LRP2: variants seen among roughly 807,000 people sequenced by gnomAD.
The protein encoded by LRP2 is low-density lipoprotein receptor-related protein 2.
Under a neutral mutation model 531.0 loss-of-function variants are expected in LRP2, and 172 were observed. The observed-to-expected ratio is 0.32, with a 90% CI of 0.29 to 0.37. The LOEUF is 0.37. Among genes scored for constraint, LRP2 ranks in the 10% least tolerant of loss-of-function variants. The pLI, the probability that LRP2 is intolerant of heterozygous loss-of-function variation, is 1.00. For synonymous variants in LRP2, 1,992 were observed against 2,027.6 expected, an observed-to-expected ratio of 0.98 and a Z score of 0.47; for missense variants, 5,167 against 5,868.3, an observed-to-expected ratio of 0.88 and a Z score of 3.90.
chr2:169,345,754 CAAAAAA>C (rs72365288), intron 1 of LRP2, among the ~76,000 whole-genome samples: 1 of 111,462 alleles, frequency 9.0e-6, no homozygotes, highest in Non-Finnish European at 2.0e-5. Context: ...AGGGGGCGGT[CAAAAAA>C]AAAAAAAAAA....
At chr2:169,293,631 C>T (rs923419815) in intron 6 of LRP2, among the ~76,000 whole-genome samples, 25 of 152,190 alleles carry the variant, frequency 1.6e-4, no homozygotes, top group South Asian at 6.2e-4. Context: ...GCCGAGATCG[C>T]GCCACTGTAC....
chr2:169,165,350 AG>A (rs1686745049), intron 62 of LRP2, among the ~76,000 whole-genome samples: 1 of 152,234 alleles, frequency 6.6e-6, no homozygotes, highest in South Asian at 2.1e-4. Context: ...GTGCAGAAAA[AG>A]TACAGCTATT....
At position 169,162,460 on chromosome 2, in the gene LRP2, G is replaced by C. The variant is rs1686624348; in HGVS notation, c.11887+12C>G. 1 of 1,613,944 alleles carries C rather than the reference G, an allele frequency of 6.2e-7. No homozygotes were observed. Among genetic ancestry groups the C allele is most frequent in the Non-Finnish European group, 8.5e-7 (1 of 1,179,902 alleles). On this transcript the variant is annotated intron_variant, in intron 63 of 78. Transcript: ENST00000649046. ...TTACTACAATGAACTATAAAAACAA[G>C]TGTTTACTTACTGCAACCCAGTTCA...
intron 7 of LRP2, 86 bp from the exon 8 acceptor site, chr2:169,291,083 G>T: frequency 1.6e-6 from 2 of 1,227,622 alleles, no homozygotes; most frequent in Non-Finnish European, 2.3e-6. Flanking sequence ...AGGATGTAGA[G>T]CAAGTTGAAC....
Position 169,300,479 on chromosome 2 carries a change from A to T in LRP2, c.428-5769T>A, listed in dbSNP as rs570429068. 2.6e-3 allele frequency among the ~76,000 whole-genome samples: 400 copies of T among 152,208 alleles called. 3 individuals are homozygous for T. The highest frequency in any genetic ancestry group is 7.9e-3 in the African/African-American group (328 of 41,548). ...TGGATATATCACATATGTAAAAAAA[A>T]TTTTTTTAAAGAAAGAAACAGGACG... On this transcript the variant is annotated intron_variant, in intron 4 of 78. Coordinates refer to ENST00000649046, the MANE Select transcript of LRP2 (RefSeq NM_004525.3).
chr2:169,198,939 A>G lies in LRP2; in HGVS notation c.8453-28T>C, dbSNP rs753650025. 8.7e-5 allele frequency: 140 copies of G among 1,607,376 alleles called. 5 individuals are homozygous for G. The highest frequency in any genetic ancestry group is 4.2e-5 in the Non-Finnish European group (49 of 1,175,818). ...TGAAAAAGACAACCAGATAAATATT[A>G]GGAATATATCCACCAAATATGTATT... On this transcript the variant is annotated intron_variant, in intron 44 of 78. Coordinates refer to ENST00000649046, the MANE Select transcript of LRP2 (RefSeq NM_004525.3).
chr2:169,184,679 A>G (rs1164431868), intron 50 of LRP2, among the ~76,000 whole-genome samples: 1 of 152,114 alleles, frequency 6.6e-6, no homozygotes, highest in Non-Finnish European at 1.5e-5. Context: ...CAATCTCAAA[A>G]CAAGAGTCTC....
intron 77 of LRP2, among the ~76,000 whole-genome samples, chr2:169,129,730 G>A (rs780516212): frequency 2.6e-5 from 4 of 152,106 alleles, no homozygotes; most frequent in Non-Finnish European, 4.4e-5. Context: ...TAACTTGCAG[G>A]TAGAAGGGCA....
chr2:169,327,150 C>G (rs1440381115), intron 1 of LRP2, among the ~76,000 whole-genome samples: 6 of 139,974 alleles, frequency 4.3e-5, no homozygotes, highest in African/African-American at 1.5e-4. Flanking sequence ...GTCAGCCCCC[C>G]GCCCGGCCAG....
intron 3 of LRP2, among the ~76,000 whole-genome samples, chr2:169,312,144 G>C (rs1462433328): frequency 4.6e-5 from 7 of 152,030 alleles, no homozygotes; most frequent in Non-Finnish European, 8.8e-5. Flanking sequence ...GATGGGTCTT[G>C]ACTCTTTATC....
rs191184405 is a variant in LRP2, at chr2:169,247,094, A to T, written c.2909-108T>A. 1,328 of 1,308,304 alleles carry T rather than the reference A, an allele frequency of 1.0e-3. 1 individual carries two copies. Among genetic ancestry groups the T allele is most frequent in the Middle Eastern group, 3.6e-3 (14 of 3,912 alleles). The allele number at this position is 1,308,304 out of a possible 1,614,324, so 81.0% of individuals were successfully genotyped here. ...ACAGGACAAAACATTTTTCAGACCC[A>T]ATACTAAAAAGTAGCTTCCTCTTGG... On this transcript the variant is annotated intron_variant, in intron 20 of 78. Coordinates refer to ENST00000649046, the MANE Select transcript of LRP2 (RefSeq NM_004525.3).
intron 53 of LRP2, among the ~76,000 whole-genome samples, chr2:169,177,584 G>C (rs139917652): frequency 6.6e-6 from 1 of 152,026 alleles, no homozygotes; most frequent in Non-Finnish European, 1.5e-5. Flanking sequence ...AGAATTGAGC[G>C]AGTTTTAAGA....
chr2:169,178,142 T>G (rs1428970681), intron 52 of LRP2, 116 bp from the exon 53 acceptor site: 1 of 791,610 alleles, frequency 1.3e-6, no homozygotes, highest in East Asian at 2.7e-5. Context: ...ATAATATAAG[T>G]TCAGATCCTC....
chr2:169,345,924 C>T (rs1685687010), intron 1 of LRP2, among the ~76,000 whole-genome samples: 1 of 152,202 alleles, frequency 6.6e-6, no homozygotes, highest in African/African-American at 2.4e-5. Flanking sequence ...GCCCATAGAA[C>T]AGGAAGGCCC....
At position 169,246,930 on chromosome 2, in the gene LRP2, A is replaced by G; in HGVS notation, c.2965T>C (p.Phe989Leu). ...ACTCGCTGGAAATTTGGCACCGGGA[A>G]GCAGAAGTGGCTGCAGTCACCGTTA... Reference protein sequence around the residue: ...HPNGDCSHFCFPVPNFQRVCG... With the variant: ...HPNGDCSHFCLPVPNFQRVCG... Residue 989 changes from phenylalanine to leucine, a missense_variant, in exon 21 of 79, where the codon TTC becomes CTC. Physicochemically the swap from Phe to Leu is conservative, Grantham distance 22. Transcript: ENST00000649046. 6.2e-7 allele frequency: 1 copy of G among 1,614,202 alleles called. No individual in the cohort carries two copies. The highest frequency in any genetic ancestry group is 1.1e-5 in the South Asian group (1 of 91,086).
chr2:169,319,647 G>A (rs73971880), intron 2 of LRP2, among the ~76,000 whole-genome samples: 2,321 of 152,236 alleles, frequency 0.015, 56 homozygotes, highest in African/African-American at 0.053. Flanking sequence ...CCCAGAGGAG[G>A]CAAATAGTTA....
chr2:169,128,887 G>C, intron 78 of LRP2, 57 bp from the exon 79 acceptor site: 1 of 1,599,128 alleles, frequency 6.3e-7, no homozygotes, highest in South Asian at 1.1e-5. Context: ...CACCATACAC[G>C]GTTTTTCATA....
intron 1 of LRP2, among the ~76,000 whole-genome samples, chr2:169,359,451 T>C (rs1295696677): frequency 6.6e-6 from 1 of 152,228 alleles, no homozygotes; most frequent in Non-Finnish European, 1.5e-5. Context: ...AGAGCTCTTT[T>C]TTTTCCCCTC....
intron 33 of LRP2, among the ~76,000 whole-genome samples, chr2:169,222,417 T>G (rs1689053089): frequency 2.0e-5 from 3 of 152,172 alleles, no homozygotes; most frequent in African/African-American, 7.2e-5. Flanking sequence ...AAATGCAGTG[T>G]TGTCCCCAGT....
Sources: allele counts gnomAD v4.1 joint callset (sites outside exome capture counted in the v4.1 genomes callset), GRCh38; gene constraint gnomAD v4.1.1; transcripts MANE v1.5; gene names NCBI Gene and HGNC (gene_info 2026-07-23, HGNC 2026-07-21).